The following TTN variants were observed in gnomAD, a reference collection of about 807,000 sequenced individuals.
TTN encodes titin, also known as connectin.
In TTN, 1,525 loss-of-function variants were observed where a neutral mutation model predicts 3,223.0. The ratio of observed to expected loss-of-function variants is 0.47; its 90% CI spans 0.45 to 0.49. The LOEUF is 0.49. Ranked by LOEUF, TTN falls within the 20% of genes least tolerant of loss-of-function variation. The pLI, the probability that TTN is intolerant of heterozygous loss-of-function variation, is 0.00. For missense variants in TTN, 40,786 were observed against 43,424.0 expected (o/e 0.94, Z 5.40); for synonymous variants, 14,094 against 15,161.0 (o/e 0.93, Z 5.17).
Position 178,792,161 on chromosome 2 carries a change from C to G in TTN, c.1573G>C (p.Val525Leu). Residue 525 changes from valine (V) to leucine (L), a missense_variant, in exon 10 of 363, where the codon GTA becomes CTA. Physicochemically the swap from Val to Leu is conservative, Grantham distance 32. Transcript: ENST00000589042. ...KETEKTFVPK[V>L]VISAAKAKEQ... Reference sequence around the variant, plus strand: ...TTGGCTTTAGCTGCGGAAATTACTACCTTTGGTACAAATGTTTTTTCAGTT... The same window carrying G: ...TTGGCTTTAGCTGCGGAAATTACTAGCTTTGGTACAAATGTTTTTTCAGTT... 6.2e-7 allele frequency: 1 copy of G among 1,609,850 alleles called. No individual in the cohort carries two copies. The highest frequency in any genetic ancestry group is 1.7e-5 in the Admixed American group (1 of 59,488).
chr2:178,586,663 T>C lies in TTN; in HGVS notation c.64238A>G (p.Asp21413Gly), dbSNP rs375659466. The change falls in exon 308 of 363, where the codon GAT (aspartate) becomes GGT (glycine). Residue 21413 changes from aspartate to glycine, a missense_variant. Coordinates refer to ENST00000589042, the MANE Select transcript of TTN (RefSeq NM_001267550.2). ...TSYREEEQPA[D>G]RWTEYSVVKD... ...TACCACTGAGTACTCTGTCCAGCGATCTGCAGGCTGCTCTTCTTCTCTGTA... is the reference window on the plus strand; with the variant it reads ...TACCACTGAGTACTCTGTCCAGCGACCTGCAGGCTGCTCTTCTTCTCTGTA... 71 of 1,613,234 alleles carry C rather than the reference T, an allele frequency of 4.4e-5. No homozygotes were observed. The highest frequency in any genetic ancestry group is 5.8e-5 in the Non-Finnish European group (68 of 1,179,416).
At chr2:178,683,342 G>A (rs1310738463) in intron 133 of TTN, 51 bp from the exon 134 acceptor site, 6 of 1,180,030 alleles carry the variant, frequency 5.1e-6, no homozygotes, top group Non-Finnish European at 7.1e-6. Context: ...GAAAATGTGT[G>A]TGTGAAGAGA....
chr2:178,550,291 A>C lies in TTN; in HGVS notation c.91565-18T>G. 1 of 1,591,216 alleles carries C rather than the reference A, an allele frequency of 6.3e-7. No individual in the cohort carries two copies. The highest frequency in any genetic ancestry group is 8.6e-7 in the Non-Finnish European group (1 of 1,168,916). ...TGGTGGAACTATAAAAGAAAGAGAA[A>C]TACTATGTATTAGTTTGGCTTAATA... On this transcript the variant is annotated intron_variant, in intron 336 of 362. Coordinates refer to ENST00000589042, the MANE Select transcript of TTN (RefSeq NM_001267550.2).
At chr2:178,617,689 T>G in intron 253 of TTN, 90 bp downstream of exon 253, 1 of 1,515,918 alleles carries the variant, frequency 6.6e-7, no homozygotes, top group East Asian at 2.4e-5. Context: ...TACCTTTTTA[T>G]TAACTTTCAT....
At chr2:178,540,014 T>G (rs1321839753) in intron 351 of TTN, 48 bp from the exon 352 acceptor site, 1 of 1,601,896 alleles carries the variant, frequency 6.2e-7, no homozygotes, top group East Asian at 2.2e-5. Context: ...GTAGGGGGAC[T>G]AAGAAATAAG....
At chr2:178,680,473 A>G (rs2069121635) in intron 138 of TTN, 142 bp from the exon 139 acceptor site, 1 of 719,662 alleles carries the variant, frequency 1.4e-6, no homozygotes, top group Non-Finnish European at 2.4e-6. Flanking sequence ...TTAAGAAACT[A>G]TATACTCTCT....
rs373491468 is a variant in TTN, at chr2:178,632,317, C to A, written c.43577G>T (p.Arg14526Leu). The change falls in exon 236 of 363, where the codon CGA becomes CTA. Residue 14526 changes from arginine to leucine, a missense_variant. By Grantham distance (102) the Arg-to-Leu change is moderately radical (BLOSUM62 -2). Coordinates refer to ENST00000589042, the MANE Select transcript of TTN (RefSeq NM_001267550.2). ...FTVELSHDNI[R>L]VKWFKNDQRL... ...CTGGTCATTCTTGAACCATTTAACT[C>A]GGATGTTATCATGAGATAACTCCAC... The A allele has an allele frequency of 1.2e-6, 2 of 1,607,846 alleles. No homozygotes were observed. Among genetic ancestry groups the A allele is most frequent in the South Asian group, 1.1e-5 (1 of 90,050 alleles).
rs2154300550 is a variant in TTN, at chr2:178,720,284, G to A, written c.23378-20C>T. ...GAGGTTCTGATGAAAGAAATTTGTG[G>A]TTAGAGGAAAAAATGTGAGAATCAT... is the stretch of plus-strand genomic sequence containing the variant. On this transcript the variant is annotated intron_variant, in intron 80 of 362. Coordinates refer to ENST00000589042, the MANE Select transcript of TTN (RefSeq NM_001267550.2). 1.9e-6 allele frequency: 3 copies of A among 1,598,812 alleles called. No individual in the cohort carries two copies. Among genetic ancestry groups the A allele is most frequent in the South Asian group, 1.1e-5 (1 of 88,848 alleles).
rs373168030 is a variant in TTN, at chr2:178,717,894, T to A, written c.25063+49A>T. The A allele has an allele frequency of 8.8e-5, 138 of 1,576,176 alleles. 1 individual carries two copies. Among genetic ancestry groups the A allele is most frequent in the Non-Finnish European group, 1.2e-4 (137 of 1,162,514 alleles). Reference sequence around the variant, plus strand: ...TCAATTCATAAAAGTTTTAACGTTTTTAAGAAAATGAATCTGTTCACACAC... The same window carrying A: ...TCAATTCATAAAAGTTTTAACGTTTATAAGAAAATGAATCTGTTCACACAC... On this transcript the variant is annotated intron_variant, in intron 86 of 362. Transcript: ENST00000589042.
chr2:178,582,086 G>A lies in TTN; in HGVS notation c.66283C>T (p.Arg22095Trp), dbSNP rs571093313. 41 of 1,612,958 alleles carry A rather than the reference G, an allele frequency of 2.5e-5. No individual in the cohort carries two copies. The Middle Eastern group carries it at 2.0e-3, about 78-fold the overall frequency. ...GTCCAGTTAACAGCCTGGGTTTCCC[G>A]CTTTTCAAGCAAATAGCCAGTGATG... ...SPITGYLLEK[R>W]ETQAVNWTKV... Residue 22095 changes from arginine to tryptophan, a missense_variant, in exon 315 of 363, where the codon CGG (arginine) becomes TGG (tryptophan). By Grantham distance (101) the Arg-to-Trp change is moderately radical (BLOSUM62 -3). Coordinates refer to ENST00000589042, the MANE Select transcript of TTN (RefSeq NM_001267550.2).
chr2:178,579,347 C>G lies in TTN; in HGVS notation c.67683G>C (p.Leu22561Phe), dbSNP rs876658076. ...GCCGGAAGTTGCTGTTTTCTTTAGC[C>G]AAGTAGCACAAATCAGGTAGACCCT... ...DLKGLPDLCY[L>F]AKENSNFRLK... Residue 22561 changes from leucine to phenylalanine, a missense_variant, in exon 320 of 363, where the codon TTG becomes TTC. Leu to Phe is a conservative substitution (Grantham distance 22). Coordinates refer to ENST00000589042, the MANE Select transcript of TTN (RefSeq NM_001267550.2). 2 of 1,601,138 alleles carry G rather than the reference C, an allele frequency of 1.2e-6. No homozygotes were observed. Among genetic ancestry groups the G allele is most frequent in the Non-Finnish European group, 1.7e-6 (2 of 1,174,226 alleles).
rs2080652790 is a variant in TTN at position 178,732,132 on chromosome 2, C to G, written c.16837G>C (p.Glu5613Gln). The G allele has an allele frequency of 6.2e-7, 1 of 1,613,792 alleles. No individual in the cohort carries two copies. The highest frequency in any genetic ancestry group is 2.2e-5 in the East Asian group (1 of 44,878). Residue 5613 changes from glutamate to glutamine, a missense_variant, in exon 57 of 363, where the codon GAA (glutamate) becomes CAA (glutamine). Glu to Gln is a conservative substitution (Grantham distance 29). Transcript: ENST00000589042. ...TCATTTTGGGCCTCACACATATATTCACCACTGTCTTCGATGCCAACATCT... is the reference window on the plus strand; with the variant it reads ...TCATTTTGGGCCTCACACATATATTGACCACTGTCTTCGATGCCAACATCT... ...LTDVGIEDSG[E>Q]YMCEAQNEAG... is the part of the protein sequence containing the mutation.
At chr2:178,605,335 A>G in intron 279 of TTN, 40 bp from the exon 280 acceptor site, 1 of 1,535,190 alleles carries the variant, frequency 6.5e-7, no homozygotes, top group Non-Finnish European at 8.7e-7. Context: ...ACAAAGTCAT[A>G]AGGATGTTTT....
chr2:178,712,250 T>C, intron 95 of TTN, 28 bp from the exon 96 acceptor site: 2 of 1,610,014 alleles, frequency 1.2e-6, no homozygotes, highest in South Asian at 1.1e-5. Context: ...AATCAATCAG[T>C]CATGAAGGAG....
intron 308 of TTN, among the ~76,000 whole-genome samples, chr2:178,585,971 TG>T (rs2048860992): frequency 6.6e-6 from 1 of 152,134 alleles, no homozygotes; most frequent in Non-Finnish European, 1.5e-5. Context: ...ATGAGATTGC[TG>T]GGTCAAATGG....
rs749312983 is a variant in TTN at position 178,607,427 on chromosome 2, A to G, written c.53261T>C (p.Phe17754Ser). 3.2e-5 allele frequency: 51 copies of G among 1,613,180 alleles called. No homozygotes were observed. In the Admixed American group the frequency reaches 7.7e-4, roughly 24 times the overall value. The change falls in exon 277 of 363, where the codon TTT becomes TCT. Residue 17754 changes from phenylalanine to serine, a missense_variant. Transcript: ENST00000589042. ...ITATNSCGSKFAAARVEVFDV... is the reference protein window; with the variant it reads ...ITATNSCGSKSAAARVEVFDV... Reference sequence around the variant, plus strand: ...AAAAACTTCTACCCTGGCTGCTGCAAATTTGGAACCACAGCTATTTGTAGC... The same window carrying G: ...AAAAACTTCTACCCTGGCTGCTGCAGATTTGGAACCACAGCTATTTGTAGC...
chr2:178,596,344 G>A (rs1205039843), intron 294 of TTN, among the ~76,000 whole-genome samples: 3 of 152,008 alleles, frequency 2.0e-5, no homozygotes, highest in Admixed American at 6.6e-5. Context: ...CATGGTTTTA[G>A]TAGAGGCTGA....
Position 178,594,410 on chromosome 2 carries a change from C to T in TTN, c.58084G>A (p.Val19362Ile). 2 of 1,607,952 alleles carry T rather than the reference C, an allele frequency of 1.2e-6. No homozygotes were observed. Among genetic ancestry groups the T allele is most frequent in the South Asian group, 1.1e-5 (1 of 89,962 alleles). ...GDTYEYRVSA[V>I]NIVGQGKPSF... ...GGTTTGCCTTGTCCAACAATGTTGA[C>T]AGCACTGACACGGTACTCATAGGTA... The change falls in exon 296 of 363, where the codon GTC becomes ATC. Residue 19362 changes from valine (V) to isoleucine (I), a missense_variant. Coordinates refer to ENST00000589042, the MANE Select transcript of TTN (RefSeq NM_001267550.2).
At position 178,735,902 on chromosome 2, in the gene TTN, G is replaced by A. The variant is rs1381774720; in HGVS notation, c.14544C>T (p.Asn4848=). 2 of 1,613,758 alleles carry A rather than the reference G, an allele frequency of 1.2e-6. No individual in the cohort carries two copies. Among genetic ancestry groups the A allele is most frequent in the African/African-American group, 1.3e-5 (1 of 74,912 alleles). ...GGTTTGAGAGTTCTAAAATGTGTTT[G>A]TTTTCTGCGTCGGAAATCCTCCAGT... ...SPNWRISDAE[N]KHILELSNLT... Residue 4848 remains asparagine (N), a synonymous_variant, in exon 50 of 363, where the codon AAC becomes AAT. Transcript: ENST00000589042.
Sources: allele counts gnomAD v4.1 joint callset (sites outside exome capture counted in the v4.1 genomes callset), GRCh38; gene constraint gnomAD v4.1.1; transcripts MANE v1.5; gene names NCBI Gene and HGNC (gene_info 2026-07-23, HGNC 2026-07-21).